RBFOX2: variants seen among roughly 807,000 people sequenced by gnomAD.
The protein encoded by RBFOX2 is RNA binding protein fox-1 homolog 2.
Under a neutral mutation model 49.1 loss-of-function variants are expected in RBFOX2, and 10 were observed. The ratio of observed to expected loss-of-function variants is 0.20; its 90% confidence interval spans 0.13 to 0.35. The LOEUF is 0.35. Ranked by LOEUF, RBFOX2 falls within the 10% of genes least tolerant of loss-of-function variation. The pLI, the probability that RBFOX2 is intolerant of heterozygous loss-of-function variation, is 1.00. For synonymous variants in RBFOX2, 183 were observed against 187.4 expected, an observed-to-expected ratio of 0.98 and a Z score of 0.19; for missense variants, 323 against 486.9, an observed-to-expected ratio of 0.66 and a Z score of 3.17.
chr22:35,783,177 TTCC>T (rs1288667329), intron 2 of RBFOX2, among the ~76,000 whole-genome samples: 2 of 152,122 alleles, frequency 1.3e-5, no homozygotes, highest in African/African-American at 4.8e-5. Context: ...CTCAGCACCA[TTCC>T]ACAAGGAGGG....
intron 1 of RBFOX2, among the ~76,000 whole-genome samples, chr22:35,929,725 A>G (rs1038753719): frequency 8.6e-5 from 13 of 152,028 alleles, no homozygotes; most frequent in African/African-American, 3.1e-4. Flanking sequence ...GGCTCAAAGG[A>G]TCCTCCTGCC....
At chr22:35,947,961 A>G (rs1442367458) in intron 1 of RBFOX2, among the ~76,000 whole-genome samples, 1 of 152,212 alleles carries the variant, frequency 6.6e-6, no homozygotes, top group East Asian at 1.9e-4. Context: ...TAATGCCCGA[A>G]GCCTTCACAT....
intron 2 of RBFOX2, among the ~76,000 whole-genome samples, chr22:35,802,272 G>C (rs1949924974): frequency 6.6e-6 from 1 of 152,186 alleles, no homozygotes; most frequent in Non-Finnish European, 1.5e-5. Context: ...ATGATGAGGA[G>C]ATATGTAGTA....
At position 35,831,442 on chromosome 22, in the gene RBFOX2, AT is replaced by A. The variant is rs201859999; in HGVS notation, c.27+8749del. On this transcript the variant is annotated intron_variant, in intron 1 of 11. Transcript: ENST00000405409. ...TGAGAGACTCTGTCTCAAAAAAAAA[AT>A]AATAATAAATTAAAAATAAAGTTAA... Among the ~76,000 whole-genome samples the A allele has an allele frequency of 2.0e-3, 308 of 152,272 alleles. 1 individual carries two copies. Among genetic ancestry groups the A allele is most frequent in the African/African-American group, 6.6e-3 (274 of 41,564 alleles).
intron 1 of RBFOX2, among the ~76,000 whole-genome samples, chr22:35,863,637 T>C (rs1335181768): frequency 6.6e-6 from 1 of 152,180 alleles, no homozygotes; most frequent in East Asian, 1.9e-4. Flanking sequence ...GTGGGAATCC[T>C]TGGGTTAGCA....
intron 4 of RBFOX2, among the ~76,000 whole-genome samples, chr22:35,777,299 A>G (rs1569053003): frequency 6.6e-6 from 1 of 152,212 alleles, no homozygotes; most frequent in Non-Finnish European, 1.5e-5. Context: ...GGCGTGAGCC[A>G]CTGCGCCCAG....
intron 1 of RBFOX2, among the ~76,000 whole-genome samples, chr22:35,930,748 T>C (rs1028568975): frequency 6.6e-6 from 1 of 152,158 alleles, no homozygotes; most frequent in African/African-American, 2.4e-5. Context: ...AAGAATCACT[T>C]GTACCCAGGA....
intron 1 of RBFOX2, among the ~76,000 whole-genome samples, chr22:35,814,948 A>AT (rs1217525836): frequency 6.6e-6 from 1 of 151,870 alleles, no homozygotes; most frequent in Non-Finnish European, 1.5e-5. Context: ...TCCCACCCTA[A>AT]TTTTTCAATC....
chr22:35,976,700 C>T (rs1319648701), intron 1 of RBFOX2, among the ~76,000 whole-genome samples: 1 of 152,180 alleles, frequency 6.6e-6, no homozygotes, highest in African/African-American at 2.4e-5. Context: ...CAGTGGCTCA[C>T]ATCTATAATC....
At chr22:35,821,676 A>C in intron 1 of RBFOX2, 1 of 504,726 alleles carries the variant, frequency 2.0e-6, no homozygotes, top group Non-Finnish European at 3.9e-6. Context: ...TTGAGGACTG[A>C]CCTTCTTTTA....
intron 1 of RBFOX2, among the ~76,000 whole-genome samples, chr22:36,020,496 C>T (rs1356237390): frequency 2.0e-5 from 3 of 152,132 alleles, no homozygotes; most frequent in Admixed American, 1.3e-4. Flanking sequence ...TACAATCTAC[C>T]TATCTGACAA....
At chr22:35,778,273 T>A (rs1321758094) in intron 3 of RBFOX2, among the ~76,000 whole-genome samples, 195 bp from the exon 5 acceptor site, 1 of 152,228 alleles carries the variant, frequency 6.6e-6, no homozygotes, top group Non-Finnish European at 1.5e-5. Context: ...TTTATCCACC[T>A]GTGTGTGTGG....
intron 2 of RBFOX2, among the ~76,000 whole-genome samples, chr22:35,798,057 CCT>C (rs1333748461): frequency 6.6e-6 from 1 of 152,186 alleles, no homozygotes; most frequent in African/African-American, 2.4e-5. Context: ...CTCACTGCAA[CCT>C]CTGCCTCCCG....
upstream of RBFOX2, among the ~76,000 whole-genome samples, chr22:35,840,852 C>T (rs993570076): frequency 2.0e-5 from 3 of 152,124 alleles, no homozygotes; most frequent in African/African-American, 4.8e-5. Flanking sequence ...AACATTTTTA[C>T]TGATGTACAG....
intron 5 of RBFOX2, among the ~76,000 whole-genome samples, chr22:35,765,946 A>AGTC (rs1225420168): frequency 6.6e-6 from 1 of 152,186 alleles, no homozygotes; most frequent in African/African-American, 2.4e-5. Flanking sequence ...TATGTCTGTC[A>AGTC]GAGATTTTTA....
chr22:35,988,484 A>G (rs1362356145), intron 1 of RBFOX2, among the ~76,000 whole-genome samples: 1 of 152,228 alleles, frequency 6.6e-6, no homozygotes, highest in Admixed American at 6.5e-5. Flanking sequence ...AAAGCAGTCA[A>G]GAGAGTTCCT....
At chr22:35,803,201 A>G (rs1403303627) in intron 2 of RBFOX2, among the ~76,000 whole-genome samples, 1 of 151,786 alleles carries the variant, frequency 6.6e-6, no homozygotes, top group South Asian at 2.1e-4. Flanking sequence ...AGAAAAATAA[A>G]TAACACCCCA....
intron 4 of RBFOX2, among the ~76,000 whole-genome samples, chr22:35,775,393 C>A (rs1943624600): frequency 1.3e-5 from 2 of 152,342 alleles, no homozygotes; most frequent in South Asian, 4.1e-4. Context: ...ACAGTCTGTG[C>A]ACCCTTTAGC....
upstream of RBFOX2, among the ~76,000 whole-genome samples, chr22:35,843,083 A>G (rs1200026103): frequency 5.3e-5 from 8 of 152,164 alleles, no homozygotes; most frequent in Non-Finnish European, 1.0e-4. Context: ...TGTCCCTGGT[A>G]TTATAGAGGA....
Sources: allele counts gnomAD v4.1 joint callset (sites outside exome capture counted in the v4.1 genomes callset), GRCh38; gene constraint gnomAD v4.1.1; transcripts MANE v1.5; gene names NCBI Gene and HGNC (gene_info 2026-07-23, HGNC 2026-07-21).